PARP15: variants seen among roughly 807,000 people sequenced by gnomAD.
The protein encoded by PARP15 is poly(ADP-ribose) polymerase family member 15, also known as protein mono-ADP-ribosyltransferase PARP15.
Under a neutral mutation model 62.1 loss-of-function variants are expected in PARP15, and 50 were observed. The ratio of observed to expected loss-of-function variants is 0.81; its 90% CI spans 0.64 to 1.02. The LOEUF is 1.02. Among genes scored for constraint, PARP15 ranks in the 50% least tolerant of loss-of-function variants. PARP15 has a pLI of 0.00. For missense variants in PARP15, 820 were observed against 826.5 expected (o/e 0.99, Z 0.10); for synonymous variants, 309 against 293.1 (o/e 1.05, Z -0.55).
At chr3:122,608,211 T>C (rs751114149) in intron 2 of PARP15, among the ~76,000 whole-genome samples, 33 of 141,068 alleles carry the variant, frequency 2.3e-4, no homozygotes, top group Non-Finnish European at 3.6e-4. Flanking sequence ...TCTTTCTCTT[T>C]TCTTTTTTTT....
intron 8 of PARP15, 151 bp from the exon 9 acceptor site, chr3:122,626,676 A>G: frequency 1.5e-6 from 1 of 665,938 alleles, no homozygotes. Context: ...GTTTGTATTC[A>G]GCTAAAGAAC....
intron 1 of PARP15, among the ~76,000 whole-genome samples, chr3:122,593,309 T>G (rs2107482649): frequency 6.6e-6 from 1 of 152,232 alleles, no homozygotes; most frequent in Admixed American, 6.5e-5. Context: ...TGGCTAATTT[T>G]TTTTGCATTT....
chr3:122,587,731 C>T (rs868403325), intron 1 of PARP15, among the ~76,000 whole-genome samples: 13 of 152,122 alleles, frequency 8.5e-5, no homozygotes, highest in Middle Eastern at 3.4e-3. Flanking sequence ...ACTATATTGT[C>T]CAGGTCTTGA....
intron 8 of PARP15, among the ~76,000 whole-genome samples, chr3:122,624,172 G>GA (rs1936537944): frequency 6.6e-6 from 1 of 151,428 alleles, no homozygotes; most frequent in Non-Finnish European, 1.5e-5. Flanking sequence ...AAGAAAGAAA[G>GA]AAAAAATAAA....
At chr3:122,581,729 G>A (rs1456947140) in intron 1 of PARP15, among the ~76,000 whole-genome samples, 4 of 151,992 alleles carry the variant, frequency 2.6e-5, no homozygotes, top group African/African-American at 7.2e-5. Context: ...TTTGCTATGC[G>A]GTTTTTTGCT....
In PARP15 at chr3:122,632,696, AC is replaced by A. The variant is rs368128760; in HGVS notation, c.1572+478del. On this transcript the variant is annotated intron_variant, in intron 10 of 11. Transcript: ENST00000464300. ...TCTCATTCACAACCCATAGAAGACA[AC>A]TGTGTCCTGTCCCGCAGTTACTGGA... 1.3e-3 allele frequency among the ~76,000 whole-genome samples: 193 copies of A among 152,282 alleles called. 1 individual carries two copies. Among genetic ancestry groups the A allele is most frequent in the African/African-American group, 4.5e-3 (189 of 41,544 alleles).
Position 122,577,811 on chromosome 3 carries a change from T to A in PARP15, c.144T>A (p.Arg48=), listed in dbSNP as rs752282394. ...EAGSVLPAGN[R]GARKASRRSS... ...GGAGCGTGCTGCCGGCCGGGAACCGTGGGGCGCGGAAGGCCTCCCGGCGCT... is the reference window on the plus strand; with the variant it reads ...GGAGCGTGCTGCCGGCCGGGAACCGAGGGGCGCGGAAGGCCTCCCGGCGCT... The change falls in exon 1 of 12, where the codon CGT becomes CGA. Residue 48 remains arginine (R), a synonymous_variant. Transcript: ENST00000464300. 2 of 1,549,944 alleles carry A rather than the reference T, an allele frequency of 1.3e-6. No individual in the cohort carries two copies. The highest frequency in any genetic ancestry group is 2.4e-5 in the South Asian group (2 of 83,936).
rs147317054 is a variant in PARP15 at position 122,603,040 on chromosome 3, A to G, written c.187-2896A>G. 3.2e-3 allele frequency among the ~76,000 whole-genome samples: 479 copies of G among 150,966 alleles called. 2 individuals carry two copies. The highest frequency in any genetic ancestry group is 1.0e-2 in the South Asian group (48 of 4,812). On this transcript the variant is annotated intron_variant, in intron 1 of 11. Coordinates refer to ENST00000464300, the MANE Select transcript of PARP15 (RefSeq NM_001113523.3). ...TGAATGATGACTACCCTTTATTTTT[A>G]TTTTTGGTGGTGAACACCTACTTGA...
chr3:122,588,797 T>G lies in PARP15; in HGVS notation c.186+10944T>G, dbSNP rs189803603. On this transcript the variant is annotated intron_variant, in intron 1 of 11. Coordinates refer to ENST00000464300, the MANE Select transcript of PARP15 (RefSeq NM_001113523.3). ...CTTTCTGTCTTCATGGATTTATATATTCTGGACATTTCACATAAATGGATT... is the reference window on the plus strand; with the variant it reads ...CTTTCTGTCTTCATGGATTTATATAGTCTGGACATTTCACATAAATGGATT... Among the ~76,000 whole-genome samples the G allele has an allele frequency of 7.2e-5, 11 of 152,392 alleles. No individual in the cohort carries two copies. The East Asian group carries it at 2.1e-3, about 29-fold the overall frequency.
At chr3:122,605,328 A>C (rs574574441) in intron 1 of PARP15, among the ~76,000 whole-genome samples, 2 of 152,274 alleles carry the variant, frequency 1.3e-5, no homozygotes, top group Admixed American at 1.3e-4. Context: ...AAATATATCC[A>C]GGGTACATTT....
At chr3:122,613,315 G>A (rs1425456902) in intron 4 of PARP15, 47 bp downstream of exon 4, 3 of 1,419,354 alleles carry the variant, frequency 2.1e-6, no homozygotes, top group Non-Finnish European at 2.9e-6. Flanking sequence ...GTGAACCCAA[G>A]CGCATTCAGA....
chr3:122,595,586 G>A (rs750173939), intron 1 of PARP15, among the ~76,000 whole-genome samples: 6 of 152,102 alleles, frequency 3.9e-5, no homozygotes, highest in Non-Finnish European at 8.8e-5. Flanking sequence ...GTCTTGCTCT[G>A]CTGCCCAGGC....
At chr3:122,613,431 A>G (rs535876425) in intron 4 of PARP15, among the ~76,000 whole-genome samples, 163 bp downstream of exon 4, 2 of 152,358 alleles carry the variant, frequency 1.3e-5, no homozygotes, top group Non-Finnish European at 2.9e-5. Context: ...CAACACTGAT[A>G]ACTCATGTTC....
intron 1 of PARP15, among the ~76,000 whole-genome samples, chr3:122,579,453 A>G (rs1033127201): frequency 6.6e-6 from 1 of 152,160 alleles, no homozygotes; most frequent in Admixed American, 6.5e-5. Flanking sequence ...GAAGATATAA[A>G]AGAGTTTTCT....
At chr3:122,605,844 G>A (rs1935126261) in intron 1 of PARP15, 92 bp from the exon 2 acceptor site, 1 of 1,335,950 alleles carries the variant, frequency 7.5e-7, no homozygotes, top group Admixed American at 2.3e-5. Flanking sequence ...GTCTTCCAAA[G>A]TGCTGAGATT....
At chr3:122,622,964 T>G (rs1193637219) in intron 8 of PARP15, among the ~76,000 whole-genome samples, 1 of 152,180 alleles carries the variant, frequency 6.6e-6, no homozygotes, top group East Asian at 1.9e-4. Context: ...ACTTCCTTCC[T>G]CTTCCCAGAT....
intron 1 of PARP15, among the ~76,000 whole-genome samples, chr3:122,579,127 T>C (rs1394191911): frequency 6.6e-6 from 1 of 152,222 alleles, no homozygotes; most frequent in Non-Finnish European, 1.5e-5. Context: ...ATCTCCATTA[T>C]GAAGGAATGT....
At chr3:122,632,950 A>G (rs1937141949) in intron 10 of PARP15, among the ~76,000 whole-genome samples, 5 of 152,220 alleles carry the variant, frequency 3.3e-5, no homozygotes, top group Admixed American at 2.0e-4. Context: ...AATGTCCACT[A>G]TGCTGCATAA....
In PARP15 at chr3:122,626,908, C is replaced by T; in HGVS notation, c.1313C>T (p.Pro438Leu). 1 of 1,613,952 alleles carries T rather than the reference C, an allele frequency of 6.2e-7. No individual in the cohort carries two copies. Among genetic ancestry groups the T allele is most frequent in the African/African-American group, 1.3e-5 (1 of 74,984 alleles). ...IVDFSSQHST[P>L]SLKTVKVVIF... ...GACTTCTCATCACAACATTCCACCC[C>T]ATCATTAAAAACAGTTAAAGTTGTC... Residue 438 changes from proline to leucine, a missense_variant, in exon 9 of 12, where the codon CCA becomes CTA. Transcript: ENST00000464300.
Sources: allele counts gnomAD v4.1 joint callset (sites outside exome capture counted in the v4.1 genomes callset), GRCh38; gene constraint gnomAD v4.1.1; transcripts MANE v1.5; gene names NCBI Gene and HGNC (gene_info 2026-07-23, HGNC 2026-07-21).